Variants in CD209 observed in about 807,000 individuals in gnomAD.
CD209 encodes CD209 antigen.
A neutral mutation model predicts 44.7 loss-of-function variants in CD209; 31 were observed. That is an observed-to-expected ratio of 0.69 (90% CI 0.52 to 0.94). The LOEUF (loss-of-function observed/expected upper bound fraction) is 0.94. CD209 is among the 40% of genes least tolerant of loss of function. The pLI is 0.00. For missense variants in CD209, 407 were observed against 452.4 expected (o/e 0.90, Z 0.91); for synonymous variants, 173 against 181.3 (o/e 0.95, Z 0.37).
intron 5 of CD209, 111 bp downstream of exon 5, chr19:7,744,830 C>G (rs2033745368): frequency 6.9e-7 from 1 of 1,448,064 alleles, no homozygotes; most frequent in Non-Finnish European, 9.4e-7. Flanking sequence ...CTCCTCCCTT[C>G]TTTCCAAGTG....
intron 3 of CD209, 112 bp downstream of exon 3, chr19:7,746,348 A>T (rs2033822557): frequency 8.0e-7 from 1 of 1,247,786 alleles, no homozygotes; most frequent in Non-Finnish European, 1.2e-6. Context: ...ACCCCCAGGG[A>T]CAACATCTTG....
chr19:7,746,844 C>T (rs752082601), intron 2 of CD209, among the ~76,000 whole-genome samples: 6 of 151,072 alleles, frequency 4.0e-5, no homozygotes, highest in Non-Finnish European at 5.9e-5. Flanking sequence ...CTCCCCAGGA[C>T]CCAGGGACCC....
rs749321899 is a variant in CD209, at chr19:7,745,000, T to C, written c.841A>G (p.Ile281Val). The change falls in exon 5 of 7, where the codon ATC (isoleucine) becomes GTC (valine). Residue 281 changes from isoleucine to valine, a missense_variant. Ile to Val is a conservative substitution (Grantham distance 29). This residue lies in a region of CD209 where 200 missense variants were observed against 202.2 expected (regional missense o/e 0.99). Coordinates refer to ENST00000315599, the MANE Select transcript of CD209 (RefSeq NM_021155.4). Reference protein sequence around the residue: ...SNSQRNWHDSITACKEVGAQL... With the variant: ...SNSQRNWHDSVTACKEVGAQL... ...GCCCCCACTTCTTTGCAGGCGGTGA[T>C]GGAGTCGTGCCAGTTCCGCTGGGAG... 4 of 1,614,210 alleles carry C rather than the reference T, an allele frequency of 2.5e-6. No individual in the cohort carries two copies. The highest frequency in any genetic ancestry group is 2.2e-5 in the East Asian group (1 of 44,884).
In CD209 at chr19:7,741,614, A is replaced by G; in HGVS notation, c.*1425T>C. On this transcript the variant is annotated 3_prime_UTR_variant, in exon 7 of 7. Coordinates refer to ENST00000315599, the MANE Select transcript of CD209 (RefSeq NM_021155.4). ...CAGTACCAGTCGGAAGAAGAATGCC[A>G]AGCAGCTCTTTCTCTGTTTAACGGA... is the stretch of plus-strand genomic sequence containing the variant. 1 of 902,534 alleles carries G rather than the reference A, an allele frequency of 1.1e-6. No homozygotes were observed. The highest frequency in any genetic ancestry group is 1.3e-5 in the South Asian group (1 of 78,192). The allele number at this position is 902,534 out of a possible 1,614,324, so 55.9% of individuals were successfully genotyped here. A position where few individuals can be genotyped will look rare whatever the true frequency, so the allele number is the denominator to read the frequency against.
At position 7,742,712 on chromosome 19, in the gene CD209, G is replaced by T. The variant is rs946932272; in HGVS notation, c.*327C>A. 6 of 335,744 alleles carry T rather than the reference G, an allele frequency of 1.8e-5. No homozygotes were observed. The highest frequency in any genetic ancestry group is 2.8e-5 in the Non-Finnish European group (5 of 179,524). The allele number at this position is 335,744 out of a possible 1,614,324, so 20.8% of individuals were successfully genotyped here. On this transcript the variant is annotated 3_prime_UTR_variant, in exon 7 of 7. Transcript: ENST00000315599. ...TAGGTGGAAGTTGAACAGATGGTAG[G>T]TTTGCATGTATAAGATAACGCCCCA... is the stretch of plus-strand genomic sequence containing the variant.
At chr19:7,745,473 C>T in intron 4 of CD209, 45 bp downstream of exon 4, 1 of 1,612,004 alleles carries the variant, frequency 6.2e-7, no homozygotes, top group Non-Finnish European at 8.5e-7. Context: ...TCACACCACA[C>T]AACGACCATC....
chr19:7,742,789 AAG>A lies in CD209; in HGVS notation c.*248_*249del. The A allele has an allele frequency of 1.8e-6, 1 of 566,666 alleles. No homozygotes were observed. The highest frequency in any genetic ancestry group is 3.2e-6 in the Non-Finnish European group (1 of 316,706). The allele number at this position is 566,666 out of a possible 1,614,324, so 35.1% of individuals were successfully genotyped here. ...CCCAAATATCCTAATCTCCAAAAGG[AAG>A]AGAGAGTGGATTCTTGGAACACAAG... On this transcript the variant is annotated 3_prime_UTR_variant, in exon 7 of 7. Transcript: ENST00000315599.
chr19:7,742,869 G>C lies in CD209; in HGVS notation c.*170C>G. On this transcript the variant is annotated 3_prime_UTR_variant, in exon 7 of 7. Transcript: ENST00000315599. ...CTCACTCATAAAGCTCCAAGGATGG[G>C]CCAGAAAAACAAGCTCTACACCAGG... 1 of 624,042 alleles carries C rather than the reference G, an allele frequency of 1.6e-6. No homozygotes were observed. 38.7% of individuals were successfully genotyped at this position (624,042 alleles called of 1,614,324 possible). A position where few individuals can be genotyped will look rare whatever the true frequency, so the allele number is the denominator to read the frequency against.
chr19:7,745,563 G>C lies in CD209; in HGVS notation c.703C>G (p.Gln235Glu), dbSNP rs753815149. ...AVGELPEKSKQQEIYQELTQL... is the reference protein window; with the variant it reads ...AVGELPEKSKEQEIYQELTQL... ...GTCAGCTCCTGGTAGATCTCCTGCT[G>C]CTTAGATTTCTCTGGAAGCTCACCC... is the stretch of plus-strand genomic sequence containing the variant. The change falls in exon 4 of 7, where the codon CAG (glutamine) becomes GAG (glutamate). Residue 235 changes from glutamine to glutamate, a missense_variant. Around this residue, in one of 3 missense-constraint regions of CD209, gnomAD observed 85 missense variants for 139.9 expected, o/e 0.61. Transcript: ENST00000315599. 1.9e-6 allele frequency: 3 copies of C among 1,609,836 alleles called. No homozygotes were observed. In the Admixed American group the frequency reaches 5.0e-5, roughly 27 times the overall value.
In CD209 at chr19:7,747,067, C is replaced by G. The variant is rs11465370; in HGVS notation, c.106+239G>C. Among the ~76,000 whole-genome samples, 594 of 152,042 alleles carry G rather than the reference C, an allele frequency of 3.9e-3. 5 individuals carry two copies. The highest frequency in any genetic ancestry group is 0.014 in the African/African-American group (572 of 41,444). On this transcript the variant is annotated intron_variant, in intron 2 of 6. Coordinates refer to ENST00000315599, the MANE Select transcript of CD209 (RefSeq NM_021155.4). The stretch of plus-strand genomic sequence containing the variant: ...GCCCCTGACCCCACCTCCCCAGGAC[C>G]CAGGAACCCAGGCTTCAACTTCTAC...
chr19:7,746,594 C>T, intron 2 of CD209, 63 bp from the exon 3 acceptor site: 1 of 1,552,768 alleles, frequency 6.4e-7, no homozygotes, highest in Non-Finnish European at 8.9e-7. Context: ...CAGGGAGAGC[C>T]TGGTCTAAAT....
In CD209 at chr19:7,746,464, G is replaced by C; in HGVS notation, c.174C>G (p.Val58=). The part of the protein sequence containing the change: ...LSFTLLAGLL[V]QVSKVPSSIS... ...CCCTCAGAACCTGCCCCTGACCTTG[G>C]ACAAGGAGCCCAGCCAAGAGCGTGA... Residue 58 remains valine (V), a synonymous_variant, in exon 3 of 7, where the codon GTC becomes GTG. Transcript: ENST00000315599. 2.5e-6 allele frequency: 4 copies of C among 1,613,744 alleles called. No individual in the cohort carries two copies. The highest frequency in any genetic ancestry group is 3.4e-6 in the Non-Finnish European group (4 of 1,179,770).
In CD209 at chr19:7,741,446, C is replaced by G. The variant is rs1274565800; in HGVS notation, c.*1593G>C. The G allele has an allele frequency of 4.7e-6, 2 of 422,924 alleles. No homozygotes were observed. Among genetic ancestry groups the G allele is most frequent in the Non-Finnish European group, 9.0e-6 (2 of 221,360 alleles). 26.2% of individuals were successfully genotyped at this position (422,924 alleles called of 1,614,324 possible). A position where few individuals can be genotyped will look rare whatever the true frequency, so the allele number is the denominator to read the frequency against. On this transcript the variant is annotated 3_prime_UTR_variant, in exon 7 of 7. Transcript: ENST00000315599. Reference sequence around the variant, plus strand: ...GGCGGAAGTTGCAGTGAGCCTAGATCGCGCCACTGCACTCCAGCCTGGCGA... The same window carrying G: ...GGCGGAAGTTGCAGTGAGCCTAGATGGCGCCACTGCACTCCAGCCTGGCGA...
intron 6 of CD209, among the ~76,000 whole-genome samples, chr19:7,743,729 C>T (rs1343873105): frequency 1.3e-5 from 2 of 152,170 alleles, no homozygotes; most frequent in Admixed American, 6.5e-5. Flanking sequence ...TGACTCATAA[C>T]AGACCCTGGT....
At position 7,741,243 on chromosome 19, in the gene CD209, G is replaced by A. The variant is rs187334590; in HGVS notation, c.*1796C>T. 6 of 508,302 alleles carry A rather than the reference G, an allele frequency of 1.2e-5. No individual in the cohort carries two copies. The highest frequency in any genetic ancestry group is 9.9e-5 in the Admixed American group (3 of 30,414). 31.5% of individuals were successfully genotyped at this position (508,302 alleles called of 1,614,324 possible). A position where few individuals can be genotyped will look rare whatever the true frequency, so the allele number is the denominator to read the frequency against. ...TCCCAGCACTTTGGGAGGACGCGGCGGGCGAATCACGAGGTCAAGAGATCG... is the reference window on the plus strand; with the variant it reads ...TCCCAGCACTTTGGGAGGACGCGGCAGGCGAATCACGAGGTCAAGAGATCG... On this transcript the variant is annotated 3_prime_UTR_variant, in exon 7 of 7. Coordinates refer to ENST00000315599, the MANE Select transcript of CD209 (RefSeq NM_021155.4).
intron 5 of CD209, 93 bp downstream of exon 5, chr19:7,744,848 A>G (rs1599478108): frequency 2.0e-6 from 3 of 1,527,580 alleles, no homozygotes; most frequent in South Asian, 1.2e-5. Flanking sequence ...GTGGAGCAAA[A>G]CCCCTCTTCT....
chr19:7,743,606 C>CA (rs1204670697), intron 6 of CD209, among the ~76,000 whole-genome samples: 5 of 152,062 alleles, frequency 3.3e-5, no homozygotes, highest in Non-Finnish European at 7.4e-5. Flanking sequence ...CCCCAGAGCC[C>CA]AAAAAATGCT....
Position 7,742,971 on chromosome 19 carries a change from C to T in CD209, c.*68G>A, listed in dbSNP as rs2146314960. On this transcript the variant is annotated 3_prime_UTR_variant, in exon 7 of 7. Transcript: ENST00000315599. ...GAGGAAGAATCTGACAAAGAACAGTCCCAGAGATTTTGTGAAGGTCGAAGG... is the reference window on the plus strand; with the variant it reads ...GAGGAAGAATCTGACAAAGAACAGTTCCAGAGATTTTGTGAAGGTCGAAGG... 1.6e-6 allele frequency: 2 copies of T among 1,256,716 alleles called. No individual in the cohort carries two copies. Among genetic ancestry groups the T allele is most frequent in the East Asian group, 4.6e-5 (2 of 43,222 alleles). 77.8% of individuals were successfully genotyped at this position (1,256,716 alleles called of 1,614,324 possible). A position where few individuals can be genotyped will look rare whatever the true frequency, so the allele number is the denominator to read the frequency against.
rs560294624 is a variant in CD209, at chr19:7,742,945, G to C, written c.*94C>G. The C allele has an allele frequency of 2.3e-5, 24 of 1,028,196 alleles. No homozygotes were observed. In the Admixed American group the frequency reaches 4.4e-4, roughly 19 times the overall value. 63.7% of individuals were successfully genotyped at this position (1,028,196 alleles called of 1,614,324 possible). On this transcript the variant is annotated 3_prime_UTR_variant, in exon 7 of 7. Coordinates refer to ENST00000315599, the MANE Select transcript of CD209 (RefSeq NM_021155.4). ...ACAGAATGGGACCCAGCCTTCTAAAGGAGGAAGAATCTGACAAAGAACAGT... is the reference window on the plus strand; with the variant it reads ...ACAGAATGGGACCCAGCCTTCTAAACGAGGAAGAATCTGACAAAGAACAGT...
Sources: allele counts gnomAD v4.1 joint callset (sites outside exome capture counted in the v4.1 genomes callset), GRCh38; gene constraint gnomAD v4.1.1; regional missense constraint gnomAD v4.1.1; transcripts MANE v1.5; gene names NCBI Gene and HGNC (gene_info 2026-07-23, HGNC 2026-07-21).